Variants in VCP observed in about 807,000 individuals in gnomAD.
VCP encodes the protein transitional endoplasmic reticulum ATPase.
In VCP, 6 loss-of-function variants were observed where a neutral mutation model predicts 85.7. The ratio of observed to expected loss-of-function variants is 0.07; its 90% CI spans 0.04 to 0.14. The LOEUF is 0.14. Ranked by LOEUF, VCP falls within the 10% of genes least tolerant of loss-of-function variation. The probability of loss-of-function intolerance (pLI) is 1.00; values close to 1 mark genes in which losing one functional copy is unlikely to be tolerated. For missense variants in VCP, 353 were observed against 1,043.4 expected, an observed-to-expected ratio of 0.34 and a Z score of 9.12; for synonymous variants, 384 against 367.1, an observed-to-expected ratio of 1.05 and a Z score of -0.53.
intron 16 of VCP, 62 bp downstream of exon 16, chr9:35,057,314 T>C: frequency 6.2e-7 from 1 of 1,613,878 alleles, no homozygotes; most frequent in Non-Finnish European, 8.5e-7. Flanking sequence ...AGGACTCCCA[T>C]CCCTTTTGGT....
At position 35,059,024 on chromosome 9, in the gene VCP, C is replaced by A. The variant is rs1306862237; in HGVS notation, c.2160+40G>T. The A allele has an allele frequency of 6.2e-7, 1 of 1,612,446 alleles. No homozygotes were observed. The highest frequency in any genetic ancestry group is 1.1e-5 in the South Asian group (1 of 90,962). ...GCATGGTGGTGGCTGCTGCCTGGCT[C>A]TCCATGATTGGCACATCTGGGGAAA... On this transcript the variant is annotated intron_variant, in intron 15 of 16. Transcript: ENST00000358901. The surrounding 1 kb of genome is among the most constrained non-coding windows in gnomAD (Gnocchi z 4.9).
At chr9:35,071,897 C>A in intron 1 of VCP, 1 of 1,000,628 alleles carries the variant, frequency 1.0e-6, no homozygotes, top group South Asian at 4.1e-5. Flanking sequence ...CCACCGGGCC[C>A]GGCTGGGGCC....
chr9:35,056,722 C>A lies in VCP; in HGVS notation c.*395G>T, dbSNP rs561587434. On this transcript the variant is annotated 3_prime_UTR_variant, in exon 17 of 17. Coordinates refer to ENST00000358901, the MANE Select transcript of VCP (RefSeq NM_007126.5). The stretch of plus-strand genomic sequence containing the variant: ...GCAACTGTGGCCCCTACCCACCTAC[C>A]CAGGTTGGATAGGGGGAAGGGAGGG... 68 of 289,164 alleles carry A rather than the reference C, an allele frequency of 2.4e-4. No homozygotes were observed. The highest frequency in any genetic ancestry group is 1.4e-3 in the African/African-American group (64 of 46,284). The allele number at this position is 289,164 out of a possible 1,614,324, so 17.9% of individuals were successfully genotyped here. A position where few individuals can be genotyped will look rare whatever the true frequency, so the allele number is the denominator to read the frequency against.
At chr9:35,071,195 T>A (rs111331448) in intron 1 of VCP, among the ~76,000 whole-genome samples, 1 of 151,648 alleles carries the variant, frequency 6.6e-6, no homozygotes, top group African/African-American at 2.4e-5. Flanking sequence ...TAATACTTTA[T>A]CCGAATTCAG....
Position 35,072,619 on chromosome 9 carries a change from T to A in VCP, c.-266A>T. 1 of 466,554 alleles carries A rather than the reference T, an allele frequency of 2.1e-6. No individual in the cohort carries two copies. The highest frequency in any genetic ancestry group is 3.4e-5 in the South Asian group (1 of 29,590). The allele number at this position is 466,554 out of a possible 1,614,324, so 28.9% of individuals were successfully genotyped here. A position where few individuals can be genotyped will look rare whatever the true frequency, so the allele number is the denominator to read the frequency against. Reference sequence around the variant, plus strand: ...CAAACGACGGTCGCAGACGCTTCGCTGAGACTGAGCCGAGAAGAGCCGAAT... The same window carrying A: ...CAAACGACGGTCGCAGACGCTTCGCAGAGACTGAGCCGAGAAGAGCCGAAT... On this transcript the variant is annotated 5_prime_UTR_variant, in exon 1 of 17. Coordinates refer to ENST00000358901, the MANE Select transcript of VCP (RefSeq NM_007126.5).
At chr9:35,060,220 G>A (rs138919510) in intron 13 of VCP, 93 bp downstream of exon 13, 6 of 1,293,216 alleles carry the variant, frequency 4.6e-6, no homozygotes, top group Middle Eastern at 4.1e-4. Flanking sequence ...TGAGCAGCCA[G>A]CACTAAGAAT....
chr9:35,057,683 G>A, intron 15 of VCP, 153 bp from the exon 16 acceptor site: 1 of 1,034,680 alleles, frequency 9.7e-7, no homozygotes, highest in Middle Eastern at 2.5e-4. Flanking sequence ...TTGAGTCACT[G>A]CTCTGCTTAA....
intron 7 of VCP, 72 bp downstream of exon 7, chr9:35,062,906 A>C (rs977835972): frequency 1.4e-6 from 2 of 1,446,382 alleles, no homozygotes; most frequent in African/African-American, 1.4e-5. Context: ...GGATGTGTTC[A>C]TAAGTGCTCC....
At chr9:35,070,839 A>C (rs1247492361) in intron 1 of VCP, among the ~76,000 whole-genome samples, 1 of 152,162 alleles carries the variant, frequency 6.6e-6, no homozygotes. Context: ...CCTTTTCTTA[A>C]GGTAAAGCCT....
chr9:35,068,147 C>T lies in VCP; in HGVS notation c.130-84G>A, dbSNP rs954194327. On this transcript the variant is annotated intron_variant, in intron 2 of 16. Transcript: ENST00000358901. ...CCTGGAGATTGGGATTCCCAGTAAA[C>T]CCCACTCTATCTGCAGTCACTGCAA... The T allele has an allele frequency of 7.5e-6, 12 of 1,606,240 alleles. No individual in the cohort carries two copies. The African/African-American group carries it at 1.6e-4, about 21-fold the overall frequency.
intron 1 of VCP, chr9:35,071,884 C>A: frequency 1.0e-6 from 1 of 998,934 alleles, no homozygotes; most frequent in Non-Finnish European, 1.2e-6. Flanking sequence ...GCAAAGTCCA[C>A]GCCCACCGGG....
intron 4 of VCP, 79 bp downstream of exon 4, chr9:35,066,592 AAAAG>A (rs1173252955): frequency 2.0e-6 from 3 of 1,517,712 alleles, no homozygotes; most frequent in African/African-American, 2.8e-5. Context: ...TAAAAAAAAA[AAAAG>A]AAAAAGAAAA....
At position 35,057,635 on chromosome 9, in the gene VCP, C is replaced by A. The variant is rs534065640; in HGVS notation, c.2161-105G>T. 10 of 1,478,826 alleles carry A rather than the reference C, an allele frequency of 6.8e-6. No homozygotes were observed. The South Asian group carries it at 9.1e-5, about 13-fold the overall frequency. 91.6% of individuals were successfully genotyped at this position (1,478,826 alleles called of 1,614,324 possible). A position where few individuals can be genotyped will look rare whatever the true frequency, so the allele number is the denominator to read the frequency against. On this transcript the variant is annotated intron_variant, in intron 15 of 16. Transcript: ENST00000358901. ...TTATTGGTCTCCTTGCCCTTCCAAT[C>A]CAACCTGAGGTAAGATGCTAGGCCA... is the stretch of plus-strand genomic sequence containing the variant.
chr9:35,071,620 A>AT (rs1828946950), intron 1 of VCP: 1 of 784,250 alleles, frequency 1.3e-6, no homozygotes, highest in Non-Finnish European at 1.5e-6. Context: ...CCCACGAGTC[A>AT]TAACATTAAG....
intron 6 of VCP, among the ~76,000 whole-genome samples, chr9:35,063,387 C>T (rs188129823): frequency 9.1e-4 from 139 of 152,296 alleles, no homozygotes; most frequent in African/African-American, 3.2e-3. Context: ...GAGGCCATTA[C>T]ACTAAGGGCT....
chr9:35,060,695 G>A, intron 12 of VCP, 106 bp downstream of exon 12: 2 of 1,597,982 alleles, frequency 1.3e-6, no homozygotes, highest in South Asian at 1.1e-5. Flanking sequence ...AGGTTCCTAA[G>A]TCGTGCTCTC....
chr9:35,072,208 A>G (rs1828969199), intron 1 of VCP, 129 bp downstream of exon 1: 3 of 1,439,956 alleles, frequency 2.1e-6, no homozygotes, highest in South Asian at 2.6e-5. Flanking sequence ...CTCGCCCCCT[A>G]GCTTCCCTTC....
At chr9:35,061,275 G>C (rs1174067388) in intron 10 of VCP, 96 bp from the exon 11 acceptor site, 1 of 1,537,506 alleles carries the variant, frequency 6.5e-7, no homozygotes, top group Non-Finnish European at 8.9e-7. Context: ...TGCTATCCCT[G>C]GGTCCTCTCA....
At position 35,072,364 on chromosome 9, in the gene VCP, T is replaced by A; in HGVS notation, c.-11A>T. The stretch of plus-strand genomic sequence containing the variant: ...GGCTCCAGAAGCCATGGCGCGCGCC[T>A]CTCCCGGCCGGCGGCTGTGGCGGCC... On this transcript the variant is annotated 5_prime_UTR_variant, in exon 1 of 17. Transcript: ENST00000358901. The A allele has an allele frequency of 6.8e-7, 1 of 1,477,142 alleles. No individual in the cohort carries two copies. Among genetic ancestry groups the A allele is most frequent in the Non-Finnish European group, 8.9e-7 (1 of 1,121,200 alleles). The allele number at this position is 1,477,142 out of a possible 1,614,324, so 91.5% of individuals were successfully genotyped here. A position where few individuals can be genotyped will look rare whatever the true frequency, so the allele number is the denominator to read the frequency against.
Sources: gnomAD v4.1 joint callset for allele counts (sites outside exome capture counted in the v4.1 genomes callset) on GRCh38, gnomAD v4.1.1 for gene constraint, Gnocchi (gnomAD v3.1) non-coding constraint, MANE v1.5 for transcripts, NCBI Gene and HGNC (gene_info 2026-07-23, HGNC 2026-07-21) for gene names.